Variants in OTOG observed in about 807,000 individuals in gnomAD.
OTOG encodes otogelin.
A neutral mutation model predicts 313.8 loss-of-function variants in OTOG; 296 were observed. The ratio of observed to expected loss-of-function variants is 0.94; its 90% CI spans 0.86 to 1.04. The LOEUF is 1.04. OTOG is among the 50% of genes least tolerant of loss of function. OTOG has a pLI of 0.00. For synonymous variants in OTOG, 1,533 were observed against 1,554.9 expected, an observed-to-expected ratio of 0.99 and a Z score of 0.33; for missense variants, 3,948 against 3,840.1, an observed-to-expected ratio of 1.03 and a Z score of -0.74.
intron 51 of OTOG, 96 bp downstream of exon 51, chr11:17,641,187 C>T (rs1847965300): frequency 7.5e-6 from 10 of 1,341,156 alleles, no homozygotes; most frequent in African/African-American, 1.4e-5. Context: ...TGAAGCTGCC[C>T]TAAACCCCCA....
chr11:17,549,249 C>T (rs555152232), intron 3 of OTOG, among the ~76,000 whole-genome samples: 1 of 152,328 alleles, frequency 6.6e-6, no homozygotes, highest in East Asian at 1.9e-4. Context: ...AGCTGAGCCT[C>T]AGCTCAAGTG....
rs1043789039 is a variant in OTOG at position 17,630,324 on chromosome 11, A to G, written c.6712+1008A>G. Among the ~76,000 whole-genome samples, 4 of 151,990 alleles carry G rather than the reference A, an allele frequency of 2.6e-5. No homozygotes were observed. In the East Asian group the frequency reaches 5.8e-4, roughly 22 times the overall value. On this transcript the variant is annotated intron_variant, in intron 40 of 55. Transcript: ENST00000399397. ...ATCATTTCTTCCTTCTCCTCTGTTCATTGCCAGCAAAGAGCACTGTGGTCA... is the reference window on the plus strand; with the variant it reads ...ATCATTTCTTCCTTCTCCTCTGTTCGTTGCCAGCAAAGAGCACTGTGGTCA...
intron 3 of OTOG, 61 bp downstream of exon 3, chr11:17,548,273 G>A: frequency 1.4e-6 from 2 of 1,426,404 alleles, no homozygotes; most frequent in South Asian, 1.4e-5. Flanking sequence ...CTGGATCTGA[G>A]GCTGGCAGGG....
At chr11:17,574,622 C>T in intron 19 of OTOG, 98 bp from the exon 20 acceptor site, 1 of 1,248,788 alleles carries the variant, frequency 8.0e-7, no homozygotes, top group Admixed American at 2.6e-5. Context: ...GTCTGAACTT[C>T]TCTGGATCTC....
At chr11:17,573,403 C>A in intron 19 of OTOG, 113 bp downstream of exon 19, 1 of 1,162,520 alleles carries the variant, frequency 8.6e-7, no homozygotes, top group Non-Finnish European at 1.2e-6. Context: ...TCCAGCCTGA[C>A]TGCACCCAGA....
At position 17,574,709 on chromosome 11, in the gene OTOG, C is replaced by G. The variant is rs770347038; in HGVS notation, c.2294-11C>G. ...GGAGACAAAGCATGCACCACTCCCCCCTCACTGCAGCACTGTCCTGTGAGG... is the reference window on the plus strand; with the variant it reads ...GGAGACAAAGCATGCACCACTCCCCGCTCACTGCAGCACTGTCCTGTGAGG... On this transcript the variant is annotated splice_polypyrimidine_tract_variant and intron_variant, in intron 19 of 55. Transcript: ENST00000399397. 52 of 1,547,896 alleles carry G rather than the reference C, an allele frequency of 3.4e-5. 1 individual carries two copies. Among genetic ancestry groups the G allele is most frequent in the South Asian group, 1.6e-4 (13 of 83,694 alleles).
chr11:17,626,850 T>G (rs187188363), intron 39 of OTOG, among the ~76,000 whole-genome samples: 71 of 152,314 alleles, frequency 4.7e-4, no homozygotes, highest in Non-Finnish European at 8.7e-4. Context: ...TTAAGTTAAT[T>G]CTTAGATAAT....
chr11:17,640,961 G>T lies in OTOG; in HGVS notation c.8060G>T (p.Gly2687Val), dbSNP rs1467776299. The T allele has an allele frequency of 1.9e-6, 3 of 1,548,212 alleles. No homozygotes were observed. In the African/African-American group the frequency reaches 4.1e-5, roughly 21 times the overall value. Residue 2687 changes from glycine to valine, a missense_variant, in exon 51 of 56, where the codon GGC becomes GTC. Gly to Val is a moderately radical substitution (Grantham distance 109). Transcript: ENST00000399397. ...LSRELGVMQP[G>V]QTVVELSADG... ...CGCGAGCTGGGTGTGATGCAGCCCG[G>T]CCAGACAGTGGTGGAGCTCTCAGCA... is the stretch of plus-strand genomic sequence containing the variant.
At position 17,561,789 on chromosome 11, in the gene OTOG, G is replaced by A. The variant is rs1852191570; in HGVS notation, c.1626G>A (p.Gln542=). The A allele has an allele frequency of 1.9e-6, 3 of 1,550,284 alleles. No homozygotes were observed. The highest frequency in any genetic ancestry group is 2.6e-6 in the Non-Finnish European group (3 of 1,146,976). The change falls in exon 15 of 56, where the codon CAG becomes CAA. Residue 542 remains glutamine, a synonymous_variant. Transcript: ENST00000399397. The part of the protein sequence containing the change: ...RSSGTFTVTL[Q]NAPCGLNQDG... ...CGGGCACCTTCACCGTGACATTGCA[G>A]AATGCCCCATGTGGCCTGGTAAGAG...
chr11:17,567,849 T>C (rs756476861), intron 15 of OTOG, among the ~76,000 whole-genome samples: 2 of 152,240 alleles, frequency 1.3e-5, no homozygotes, highest in African/African-American at 2.4e-5. Flanking sequence ...CAACTTTTTG[T>C]GTGCCTTGGT....
chr11:17,640,671 C>A (rs907975345), intron 49 of OTOG, 74 bp from the exon 50 acceptor site: 4 of 1,454,606 alleles, frequency 2.7e-6, no homozygotes, highest in African/African-American at 2.8e-5. Flanking sequence ...TAGAGAGGGG[C>A]CCAGGTGGCA....
intron 5 of OTOG, 33 bp downstream of exon 5, chr11:17,553,244 G>C (rs1330239422): frequency 6.5e-7 from 1 of 1,545,160 alleles, no homozygotes; most frequent in African/African-American, 1.4e-5. Context: ...CCCCAGGAAG[G>C]GACCTGGGTG....
intron 12 of OTOG, 57 bp downstream of exon 12, chr11:17,559,719 G>T: frequency 6.5e-7 from 1 of 1,534,462 alleles, no homozygotes; most frequent in Admixed American, 2.0e-5. Flanking sequence ...GGCACAGATG[G>T]CCACGAAACA....
chr11:17,593,456 A>T, intron 26 of OTOG, 129 bp downstream of exon 26: 3 of 1,422,852 alleles, frequency 2.1e-6, no homozygotes, highest in Non-Finnish European at 2.8e-6. Flanking sequence ...TTAGGAGCCC[A>T]GACTGAATTC....
At chr11:17,636,960 G>A (rs561785941) in intron 47 of OTOG, among the ~76,000 whole-genome samples, 1 of 152,162 alleles carries the variant, frequency 6.6e-6, no homozygotes, top group African/African-American at 2.4e-5. Flanking sequence ...AATGGTCCTT[G>A]GTATGCAGTA....
intron 31 of OTOG, among the ~76,000 whole-genome samples, chr11:17,601,715 C>T (rs971710414): frequency 6.6e-6 from 1 of 152,092 alleles, no homozygotes; most frequent in Non-Finnish European, 1.5e-5. Flanking sequence ...ATGCTCTGTG[C>T]CAACCTATAC....
intron 42 of OTOG, 101 bp downstream of exon 42, chr11:17,632,327 C>T: frequency 4.2e-6 from 5 of 1,193,606 alleles, no homozygotes; most frequent in Non-Finnish European, 5.6e-6. Context: ...TATGCTTTCC[C>T]AGCTTTAATC....
chr11:17,587,411 C>T (rs1398438405), intron 24 of OTOG, among the ~76,000 whole-genome samples: 5 of 152,182 alleles, frequency 3.3e-5, no homozygotes, highest in African/African-American at 4.8e-5. Context: ...CAAACCCAGT[C>T]ACTGTTCCAA....
In OTOG at chr11:17,610,616, C is replaced by A. The variant is rs933676518; in HGVS notation, c.5316C>A (p.Ala1772=). 1.3e-6 allele frequency: 2 copies of A among 1,550,538 alleles called. No homozygotes were observed. Among genetic ancestry groups the A allele is most frequent in the African/African-American group, 2.7e-5 (2 of 73,040 alleles). Residue 1772 remains alanine, a synonymous_variant, in exon 36 of 56, where the codon GCC becomes GCA. Coordinates refer to ENST00000399397, the MANE Select transcript of OTOG (RefSeq NM_001292063.2). ...SPALPPETPA[A]ASLSTATDGL... ...CTCTGCCCCCAGAGACCCCAGCTGC[C>A]GCCAGCCTGTCAACAGCCACTGATG...
Sources: gnomAD v4.1 joint callset for allele counts (sites outside exome capture counted in the v4.1 genomes callset) on GRCh38, gnomAD v4.1.1 for gene constraint, MANE v1.5 for transcripts, NCBI Gene and HGNC (gene_info 2026-07-23, HGNC 2026-07-21) for gene names.